The following APBA1 variants were observed in gnomAD, a reference collection of about 807,000 sequenced individuals.
APBA1 encodes the protein amyloid-beta A4 precursor protein-binding family A member 1.
A neutral mutation model predicts 86.6 loss-of-function variants in APBA1; 55 were observed. That is an observed-to-expected ratio of 0.64 (90% CI 0.51 to 0.80). The LOEUF (loss-of-function observed/expected upper bound fraction) is 0.80. Ranked by LOEUF, APBA1 falls within the 30% of genes least tolerant of loss-of-function variation. APBA1 has a pLI of 0.00. For synonymous variants in APBA1, 511 were observed against 493.9 expected, an observed-to-expected ratio of 1.03 and a Z score of -0.46; for missense variants, 1,090 against 1,183.0, an observed-to-expected ratio of 0.92 and a Z score of 1.15.
chr9:69,552,132 T>C (rs1836793574), intron 1 of APBA1, among the ~76,000 whole-genome samples: 1 of 152,200 alleles, frequency 6.6e-6, no homozygotes, highest in Non-Finnish European at 1.5e-5. Flanking sequence ...AAGCTTTGAA[T>C]ATGACAATGG....
intron 1 of APBA1, among the ~76,000 whole-genome samples, chr9:69,598,585 G>T (rs531141081): frequency 6.6e-6 from 1 of 152,248 alleles, no homozygotes; most frequent in South Asian, 2.1e-4. Flanking sequence ...CAGAGGGAAG[G>T]TGGCTCTCCT....
intron 1 of APBA1, among the ~76,000 whole-genome samples, chr9:69,651,574 C>T (rs895919868): frequency 6.6e-6 from 1 of 152,084 alleles, no homozygotes; most frequent in African/African-American, 2.4e-5. Flanking sequence ...CTCCTGGGTT[C>T]AAGCGATTCT....
In APBA1 at chr9:69,653,398, A is replaced by G. The variant is rs566024102; in HGVS notation, c.-70+18755T>C. On this transcript the variant is annotated intron_variant, in intron 1 of 12. Coordinates refer to ENST00000265381, the MANE Select transcript of APBA1 (RefSeq NM_001163.4). ...CACCCCCACTTTCAGCAGTGAACAG[A>G]TCATCCAGACAGTAAATCAACAGAG... is the stretch of plus-strand genomic sequence containing the variant. 2.0e-3 allele frequency among the ~76,000 whole-genome samples: 305 copies of G among 152,328 alleles called. 2 individuals are homozygous for G. Among genetic ancestry groups the G allele is most frequent in the Non-Finnish European group, 3.7e-3 (253 of 68,036 alleles).
intron 1 of APBA1, among the ~76,000 whole-genome samples, chr9:69,523,507 A>ATATATATATATATG (rs1836293639): frequency 2.2e-5 from 1 of 45,306 alleles, no homozygotes; most frequent in East Asian, 1.6e-3. Flanking sequence ...GTATATATAT[A>ATATATATATATATG]TATATATATA....
chr9:69,606,666 G>A (rs1040317960), intron 1 of APBA1, among the ~76,000 whole-genome samples: 9 of 151,538 alleles, frequency 5.9e-5, no homozygotes, highest in Admixed American at 2.0e-4. Context: ...TAATTTTTTT[G>A]TATTTTTAGT....
At chr9:69,621,971 C>T (rs1311920332) in intron 1 of APBA1, among the ~76,000 whole-genome samples, 5 of 152,184 alleles carry the variant, frequency 3.3e-5, no homozygotes, top group African/African-American at 1.2e-4. Context: ...ATAGATGTTG[C>T]CTCCCAGTCC....
In APBA1 at chr9:69,604,083, G is replaced by A. The variant is rs116032384; in HGVS notation, c.-70+68070C>T. Among the ~76,000 whole-genome samples the A allele has an allele frequency of 7.9e-3, 1,206 of 152,316 alleles. 14 individuals are homozygous for A. The highest frequency in any genetic ancestry group is 0.027 in the African/African-American group (1,139 of 41,568). ...AACAAATCTGGAAACGCTGTACAAA[G>A]CAGTGTATAGTGAGGACAAGTCTCA... On this transcript the variant is annotated intron_variant, in intron 1 of 12. Coordinates refer to ENST00000265381, the MANE Select transcript of APBA1 (RefSeq NM_001163.4).
intron 1 of APBA1, among the ~76,000 whole-genome samples, chr9:69,634,164 AC>A (rs1289860487): frequency 6.6e-6 from 1 of 152,204 alleles, no homozygotes; most frequent in Non-Finnish European, 1.5e-5. Flanking sequence ...TGAATTGCCA[AC>A]ACCACCCCTC....
chr9:69,460,412 C>G (rs1485322616), intron 5 of APBA1, among the ~76,000 whole-genome samples: 2 of 152,178 alleles, frequency 1.3e-5, no homozygotes, highest in African/African-American at 4.8e-5. Context: ...GTGTGGAACC[C>G]CAGAGTCTGG....
rs1360881872 is a variant in APBA1 at position 69,467,814 on chromosome 9, T to C, written c.1482+9A>G. On this transcript the variant is annotated intron_variant, in intron 5 of 12. Coordinates refer to ENST00000265381, the MANE Select transcript of APBA1 (RefSeq NM_001163.4). Reference sequence around the variant, plus strand: ...CCCTGTCCCTGTTGGAGCACCCAGATGTCCTCACCTTGATCCTGCTTACGG... The same window carrying C: ...CCCTGTCCCTGTTGGAGCACCCAGACGTCCTCACCTTGATCCTGCTTACGG... 6.2e-7 allele frequency: 1 copy of C among 1,614,176 alleles called. No homozygotes were observed. Among genetic ancestry groups the C allele is most frequent in the Non-Finnish European group, 8.5e-7 (1 of 1,179,986 alleles).
At chr9:69,627,438 G>T (rs1161709391) in intron 1 of APBA1, among the ~76,000 whole-genome samples, 1 of 152,018 alleles carries the variant, frequency 6.6e-6, no homozygotes, top group East Asian at 1.9e-4. Flanking sequence ...TAATTTTATA[G>T]CAAAAAAGGA....
At chr9:69,645,089 T>G (rs1823364329) in intron 1 of APBA1, among the ~76,000 whole-genome samples, 1 of 152,114 alleles carries the variant, frequency 6.6e-6, no homozygotes, top group Non-Finnish European at 1.5e-5. Context: ...ACTGGATAGT[T>G]TATTAGGATA....
At chr9:69,585,805 C>G (rs188156466) in intron 1 of APBA1, among the ~76,000 whole-genome samples, 1 of 152,126 alleles carries the variant, frequency 6.6e-6, no homozygotes, top group Non-Finnish European at 1.5e-5. Flanking sequence ...CCCATCTGCT[C>G]ACCTGCTGAG....
chr9:69,641,836 C>T (rs1369227781), intron 1 of APBA1, among the ~76,000 whole-genome samples: 1 of 152,042 alleles, frequency 6.6e-6, no homozygotes, highest in Non-Finnish European at 1.5e-5. Flanking sequence ...GTGAAGATTT[C>T]CTTTTATTTT....
At chr9:69,452,450 C>T (rs369466313) in intron 8 of APBA1, 149 bp from the exon 9 acceptor site, 132 of 698,216 alleles carry the variant, frequency 1.9e-4, no homozygotes, top group Middle Eastern at 1.6e-3. Flanking sequence ...CTACGTGGGG[C>T]TACCAGTGCC....
intron 1 of APBA1, among the ~76,000 whole-genome samples, chr9:69,592,269 T>A (rs1421155564): frequency 6.6e-6 from 1 of 152,236 alleles, no homozygotes; most frequent in Non-Finnish European, 1.5e-5. Context: ...TTCTTATGGA[T>A]CACAAAGCTC....
chr9:69,566,682 A>T (rs1417131668), intron 1 of APBA1, among the ~76,000 whole-genome samples: 9 of 152,010 alleles, frequency 5.9e-5, no homozygotes, highest in Non-Finnish European at 1.5e-5. Context: ...AAGCACTCCA[A>T]GCTCATTCTC....
At chr9:69,621,073 A>G (rs1366220069) in intron 1 of APBA1, among the ~76,000 whole-genome samples, 3 of 152,180 alleles carry the variant, frequency 2.0e-5, no homozygotes, top group African/African-American at 7.2e-5. Context: ...TGATCTGTAA[A>G]ATGGAGTTGG....
In APBA1 at chr9:69,429,738, C is replaced by G. The variant is rs560379212; in HGVS notation, c.*1589G>C. On this transcript the variant is annotated 3_prime_UTR_variant, in exon 13 of 13. Coordinates refer to ENST00000265381, the MANE Select transcript of APBA1 (RefSeq NM_001163.4). ...ATTCTCTCTATAAATACATGCTACC[C>G]ACCATTTGCTCACTGAGTTCCTATT... The G allele has an allele frequency of 6.6e-6, 1 of 151,714 alleles. No homozygotes were observed. The highest frequency in any genetic ancestry group is 1.5e-5 in the Non-Finnish European group (1 of 67,956). 9.4% of individuals were successfully genotyped at this position (151,714 alleles called of 1,614,324 possible). A position where few individuals can be genotyped will look rare whatever the true frequency, so the allele number is the denominator to read the frequency against.
Sources: allele counts gnomAD v4.1 joint callset (sites outside exome capture counted in the v4.1 genomes callset), GRCh38; gene constraint gnomAD v4.1.1; transcripts MANE v1.5; gene names NCBI Gene and HGNC (gene_info 2026-07-23, HGNC 2026-07-21).